SHANK1: variants seen among roughly 807,000 people sequenced by gnomAD.
The protein encoded by SHANK1 is SH3 and multiple ankyrin repeat domains protein 1.
In SHANK1, 35 loss-of-function variants were observed where a neutral mutation model predicts 165.6. The ratio of observed to expected loss-of-function variants is 0.21; its 90% CI spans 0.16 to 0.28. The LOEUF (loss-of-function observed/expected upper bound fraction) is 0.28, where lower values mean the gene tolerates loss of function less well. Among genes scored for constraint, SHANK1 ranks in the 10% least tolerant of loss-of-function variants. SHANK1 has a pLI of 1.00. For missense variants in SHANK1, 2,681 were observed against 3,036.4 expected (o/e 0.88, Z 2.75); for synonymous variants, 1,428 against 1,384.8 (o/e 1.03, Z -0.69).
intron 21 of SHANK1, among the ~76,000 whole-genome samples, chr19:50,676,076 T>C (rs926342084): frequency 1.3e-5 from 2 of 151,790 alleles, no homozygotes; most frequent in African/African-American, 2.4e-5. Flanking sequence ...GGTGGGAGGA[T>C]TGCTTGATGC....
In SHANK1 at chr19:50,713,324, G is replaced by A. The variant is rs923810973; in HGVS notation, c.792+474C>T. Among the ~76,000 whole-genome samples the A allele has an allele frequency of 2.6e-5, 4 of 152,014 alleles. No homozygotes were observed. Among genetic ancestry groups the A allele is most frequent in the Admixed American group, 6.6e-5 (1 of 15,256 alleles). On this transcript the variant is annotated intron_variant, in intron 6 of 23. Transcript: ENST00000293441. The surrounding 1 kb of genome is among the most constrained non-coding windows in gnomAD (Gnocchi z 6.2). ...GGAAAGTGCATTTGAGGCTGTGTAC[G>A]TGGGGAAGGGGCTGTATTTGCATGT...
At chr19:50,672,849 C>T (rs573986074) in intron 21 of SHANK1, among the ~76,000 whole-genome samples, 1 of 152,248 alleles carries the variant, frequency 6.6e-6, no homozygotes, top group Admixed American at 6.5e-5. Flanking sequence ...CATGCTATTG[C>T]CCCTGCTTGA....
At position 50,702,512 on chromosome 19, in the gene SHANK1, G is replaced by C. The variant is rs1213019253; in HGVS notation, c.1702C>G (p.Gln568Glu). Residue 568 changes from glutamine to glutamate, a missense_variant, in exon 12 of 24, where the codon CAA (glutamine) becomes GAA (glutamate). By Grantham distance (29) the Gln-to-Glu change is conservative. This residue lies in a region of SHANK1 where 195 missense variants were observed against 186.2 expected (regional missense o/e 1.05). Coordinates refer to ENST00000293441, the MANE Select transcript of SHANK1 (RefSeq NM_016148.5). This position sits in a 1 kb window ranked among gnomAD's most constrained non-coding sequence, Gnocchi z 5.3. ...SFMAVKSYQA[Q>E]AEGEISLSKG... ...CTCAGGGAGATCTCCCCCTCGGCTT[G>C]GGCCTGGTAGGACTTCACAGCCATG... is the stretch of plus-strand genomic sequence containing the variant. The C allele has an allele frequency of 6.2e-7, 1 of 1,613,282 alleles. No homozygotes were observed. The highest frequency in any genetic ancestry group is 1.7e-5 in the Admixed American group (1 of 59,984).
chr19:50,696,679 C>T (rs190050838), intron 15 of SHANK1, among the ~76,000 whole-genome samples: 3 of 152,152 alleles, frequency 2.0e-5, no homozygotes, highest in Admixed American at 6.5e-5. Context: ...ATCAGACAGA[C>T]GCACATGCAT....
chr19:50,705,878 CA>C (rs1885453403), intron 8 of SHANK1, among the ~76,000 whole-genome samples: 1 of 152,104 alleles, frequency 6.6e-6, no homozygotes, highest in South Asian at 2.1e-4. Flanking sequence ...CAAGGTGGGC[CA>C]GGGGTGGTGG....
chr19:50,717,224 G>A lies in SHANK1; in HGVS notation c.-43-262C>T, dbSNP rs1010025739. Among the ~76,000 whole-genome samples, 12 of 152,314 alleles carry A rather than the reference G, an allele frequency of 7.9e-5. No homozygotes were observed. Among genetic ancestry groups the A allele is most frequent in the Admixed American group, 3.9e-4 (6 of 15,300 alleles). On this transcript the variant is annotated intron_variant, in intron 1 of 23. Transcript: ENST00000293441. This position sits in a 1 kb window ranked among gnomAD's most constrained non-coding sequence, Gnocchi z 5.5. ...GCCCCGCTTGCAGCCCGCCCCCTGC[G>A]CCCCACTTTGCTGGTGACCCAGCGT...
rs1272817447 is a variant in SHANK1, at chr19:50,717,644, T to G, written c.-43-682A>C. ...GTGTCCCCAAGGGAACCACAAGAGG[T>G]GGCTTTTGGAGACTGGGGCATCTTG... On this transcript the variant is annotated intron_variant, in intron 1 of 23. Coordinates refer to ENST00000293441, the MANE Select transcript of SHANK1 (RefSeq NM_016148.5). This position sits in a 1 kb window ranked among gnomAD's most constrained non-coding sequence, Gnocchi z 5.5. Among the ~76,000 whole-genome samples, 1 of 151,860 alleles carries G rather than the reference T, an allele frequency of 6.6e-6. No homozygotes were observed. Among genetic ancestry groups the G allele is most frequent in the African/African-American group, 2.4e-5 (1 of 41,324 alleles).
At position 50,697,426 on chromosome 19, in the gene SHANK1, G is replaced by T. The variant is rs952869972; in HGVS notation, c.1937+163C>A. 2.0e-5 allele frequency among the ~76,000 whole-genome samples: 3 copies of T among 152,194 alleles called. No individual in the cohort carries two copies. The highest frequency in any genetic ancestry group is 2.0e-4 in the Admixed American group (3 of 15,280). ...GCTGCCGAAGATGGTTTGGGGTTGGGCTGTACTGTCTGAAGCTAATTCTGG... is the reference window on the plus strand; with the variant it reads ...GCTGCCGAAGATGGTTTGGGGTTGGTCTGTACTGTCTGAAGCTAATTCTGG... On this transcript the variant is annotated intron_variant, in intron 14 of 23. Transcript: ENST00000293441. This position sits in a 1 kb window ranked among gnomAD's most constrained non-coding sequence, Gnocchi z 4.7.
rs527427650 is a variant in SHANK1, at chr19:50,677,828, T to C, written c.2578-5714A>G. On this transcript the variant is annotated intron_variant, in intron 21 of 23. Coordinates refer to ENST00000293441, the MANE Select transcript of SHANK1 (RefSeq NM_016148.5). The stretch of plus-strand genomic sequence containing the variant: ...CCCTGCTTTGACGGATTTCCTGCCA[T>C]GCTGCTCTTCTCTAAGCGCTTCTCA... 5.3e-5 allele frequency among the ~76,000 whole-genome samples: 8 copies of C among 152,338 alleles called. No individual in the cohort carries two copies. The South Asian group carries it at 1.7e-3, about 32-fold the overall frequency.
chr19:50,692,891 AC>A (rs1228093528), intron 15 of SHANK1, among the ~76,000 whole-genome samples: 1 of 86,184 alleles, frequency 1.2e-5, no homozygotes, highest in Non-Finnish European at 2.2e-5. Flanking sequence ...GACACACCCT[AC>A]CCCCCTTTCC....
intron 12 of SHANK1, among the ~76,000 whole-genome samples, chr19:50,701,237 C>T (rs1326076855): frequency 3.4e-5 from 5 of 148,990 alleles, no homozygotes; most frequent in Non-Finnish European, 7.4e-5. Flanking sequence ...CTCTTGTCAG[C>T]CAGGTGTGAT....
chr19:50,704,205 G>A lies in SHANK1; in HGVS notation c.1156-19C>T, dbSNP rs968586557. On this transcript the variant is annotated intron_variant, in intron 9 of 23. Coordinates refer to ENST00000293441, the MANE Select transcript of SHANK1 (RefSeq NM_016148.5). ...CTGCCACCTGGAGGGAGGGGGTAGAGGCAGGTCGGCCAGGGGGGCCCAGGC... is the reference window on the plus strand; with the variant it reads ...CTGCCACCTGGAGGGAGGGGGTAGAAGCAGGTCGGCCAGGGGGGCCCAGGC... The A allele has an allele frequency of 1.2e-6, 2 of 1,613,458 alleles. No homozygotes were observed. The highest frequency in any genetic ancestry group is 8.5e-7 in the Non-Finnish European group (1 of 1,179,634).
chr19:50,685,824 G>A (rs1212950623), intron 21 of SHANK1, among the ~76,000 whole-genome samples: 4 of 152,212 alleles, frequency 2.6e-5, no homozygotes, highest in African/African-American at 9.6e-5. Flanking sequence ...GTTGTGGGGA[G>A]AGGCAGACAG....
At chr19:50,698,020 A>G in intron 12 of SHANK1, 64 bp from the exon 13 acceptor site, 1 of 1,151,382 alleles carries the variant, frequency 8.7e-7, no homozygotes, top group South Asian at 1.3e-5. Flanking sequence ...AACTGCCAAC[A>G]CACTCAACTT....
intron 21 of SHANK1, among the ~76,000 whole-genome samples, chr19:50,673,028 A>G (rs1002553143): frequency 5.9e-5 from 9 of 151,966 alleles, no homozygotes; most frequent in Non-Finnish European, 1.3e-4. Context: ...AGCCCTTAAG[A>G]ATCACCCTCC....
Position 50,667,276 on chromosome 19 carries a change from G to A in SHANK1, c.4684C>T (p.Leu1562Phe). Residue 1562 changes from leucine to phenylalanine, a missense_variant, in exon 23 of 24, where the codon CTT (leucine) becomes TTT (phenylalanine). By Grantham distance (22) the Leu-to-Phe change is conservative (BLOSUM62 0). Coordinates refer to ENST00000293441, the MANE Select transcript of SHANK1 (RefSeq NM_016148.5). This position sits in a 1 kb window ranked among gnomAD's most constrained non-coding sequence, Gnocchi z 5.7. The part of the protein sequence containing the change: ...PSVDVEDGEF[L>F]FVEPLPPPLE... ...GGCGGAGGCAGCGGTTCCACGAAAA[G>A]GAATTCGCCATCTTCCACATCCACC... 6.3e-7 allele frequency: 1 copy of A among 1,597,056 alleles called. No individual in the cohort carries two copies. Among genetic ancestry groups the A allele is most frequent in the Admixed American group, 1.7e-5 (1 of 59,828 alleles).
rs548359973 is a variant in SHANK1, at chr19:50,671,786, C to T, written c.2674+232G>A. On this transcript the variant is annotated intron_variant, in intron 22 of 23. Transcript: ENST00000293441. ...GCATCCCCATTCTCCAGATGTAGAG[C>T]CAGAGGCCCAGAGAAGTCAAGCCAC... 2.6e-5 allele frequency among the ~76,000 whole-genome samples: 4 copies of T among 152,234 alleles called. No individual in the cohort carries two copies. The East Asian group carries it at 7.7e-4, about 29-fold the overall frequency.
At position 50,695,836 on chromosome 19, in the gene SHANK1, C is replaced by T. The variant is rs1599861000; in HGVS notation, c.1964+1260G>A. Among the ~76,000 whole-genome samples, 7 of 152,230 alleles carry T rather than the reference C, an allele frequency of 4.6e-5. No homozygotes were observed. The South Asian group carries it at 1.5e-3, about 32-fold the overall frequency. On this transcript the variant is annotated intron_variant, in intron 15 of 23. Transcript: ENST00000293441. ...AAGCCCAGGCGGAGGGGCGAACACA[C>T]CACCACAGCTCCCCGAGAGAGCGTG... is the stretch of plus-strand genomic sequence containing the variant.
rs1469449488 is a variant in SHANK1, at chr19:50,686,361, G to C, written c.2459-6C>G. ...CAGGATTTCGTCCAGTTTGTCTAGG[G>C]GTAGATGAATGAACAGAGGTGGGAA... On this transcript the variant is annotated splice_polypyrimidine_tract_variant and splice_region_variant and intron_variant, in intron 20 of 23. Transcript: ENST00000293441. This position sits in a 1 kb window ranked among gnomAD's most constrained non-coding sequence, Gnocchi z 5.7. 4 of 1,574,132 alleles carry C rather than the reference G, an allele frequency of 2.5e-6. No individual in the cohort carries two copies. The highest frequency in any genetic ancestry group is 3.5e-6 in the Non-Finnish European group (4 of 1,154,718).
Sources: gnomAD v4.1 joint callset for allele counts (sites outside exome capture counted in the v4.1 genomes callset) on GRCh38, gnomAD v4.1.1 for gene constraint, gnomAD v4.1.1 regional missense constraint, Gnocchi (gnomAD v3.1) non-coding constraint, MANE v1.5 for transcripts, NCBI Gene and HGNC (gene_info 2026-07-23, HGNC 2026-07-21) for gene names.